Variants in SLC4A4 observed in about 807,000 individuals in gnomAD.
SLC4A4 encodes the protein solute carrier family 4 member 4.
Under a neutral mutation model 111.5 loss-of-function variants are expected in SLC4A4, and 27 were observed. That is an observed-to-expected ratio of 0.24 (90% confidence interval 0.18 to 0.33). The LOEUF (loss-of-function observed/expected upper bound fraction) is 0.33, where lower values mean the gene tolerates loss of function less well. SLC4A4 is among the 10% of genes least tolerant of loss of function. The probability of loss-of-function intolerance (pLI) is 1.00; values close to 1 mark genes in which losing one functional copy is unlikely to be tolerated. For synonymous variants in SLC4A4, 443 were observed against 463.4 expected (o/e 0.96, Z 0.57); for missense variants, 909 against 1,315.5 (o/e 0.69, Z 4.78).
At chr4:71,234,913 T>C (rs867576185) in intron 1 of SLC4A4, among the ~76,000 whole-genome samples, 2 of 152,024 alleles carry the variant, frequency 1.3e-5, no homozygotes, top group Non-Finnish European at 2.9e-5. Flanking sequence ...TGTCCAGAGG[T>C]AATGAGTTTC....
At chr4:71,365,129 A>G (rs1319984277) in intron 6 of SLC4A4, among the ~76,000 whole-genome samples, 1 of 152,216 alleles carries the variant, frequency 6.6e-6, no homozygotes, top group African/African-American at 2.4e-5. Flanking sequence ...ACATATTTTT[A>G]AATTTTACTA....
At chr4:71,100,459 G>A (rs1427648181) in intron 2 of SLC4A4, among the ~76,000 whole-genome samples, 1 of 151,874 alleles carries the variant, frequency 6.6e-6, no homozygotes, top group Non-Finnish European at 1.5e-5. Context: ...AAAATAATAA[G>A]AGCCATATAT....
At chr4:71,406,209 C>A (rs1289144933) in intron 7 of SLC4A4, among the ~76,000 whole-genome samples, 5 of 151,832 alleles carry the variant, frequency 3.3e-5, no homozygotes, top group Non-Finnish European at 7.4e-5. Flanking sequence ...TGCATATATG[C>A]CAGACTGTAA....
chr4:71,335,894 T>C (rs953109012), intron 3 of SLC4A4, among the ~76,000 whole-genome samples: 3 of 152,188 alleles, frequency 2.0e-5, no homozygotes, highest in Admixed American at 1.3e-4. Context: ...ATGTACTCAA[T>C]TACCTTATTT....
intron 8 of SLC4A4, among the ~76,000 whole-genome samples, chr4:71,443,653 AAAG>A (rs1382560131): frequency 6.6e-6 from 1 of 152,170 alleles, no homozygotes; most frequent in Non-Finnish European, 1.5e-5. Flanking sequence ...GTTCTCTTAT[AAAG>A]AAGAATAAAA....
At chr4:71,132,759 A>G (rs546448069) in intron 2 of SLC4A4, among the ~76,000 whole-genome samples, 1 of 152,340 alleles carries the variant, frequency 6.6e-6, no homozygotes, top group East Asian at 1.9e-4. Flanking sequence ...GAATTTTCTA[A>G]GTAATACTTC....
exon 1 of SLC4A4, among the ~76,000 whole-genome samples, chr4:71,062,783 T>G (rs1741422485): frequency 6.6e-6 from 1 of 152,310 alleles, no homozygotes; most frequent in Admixed American, 6.5e-5. Context: ...TTGAAGGACA[T>G]TGACTGTAAG....
At chr4:71,305,079 A>ATC (rs1725578201) in intron 3 of SLC4A4, among the ~76,000 whole-genome samples, 7 of 152,246 alleles carry the variant, frequency 4.6e-5, no homozygotes, top group African/African-American at 1.7e-4. Context: ...TACATTCATG[A>ATC]GCTTATTTAA....
At chr4:71,346,819 G>T (rs1560428867) in intron 4 of SLC4A4, among the ~76,000 whole-genome samples, 1 of 152,106 alleles carries the variant, frequency 6.6e-6, no homozygotes, top group East Asian at 1.9e-4. Context: ...AGTATAATCA[G>T]TTCCTTAAAC....
intron 3 of SLC4A4, among the ~76,000 whole-genome samples, chr4:71,322,942 C>G (rs1232593974): frequency 3.3e-5 from 5 of 151,888 alleles, no homozygotes; most frequent in Admixed American, 3.3e-4. Flanking sequence ...TCGTGGCTTC[C>G]CAGTTAAGTA....
chr4:71,318,169 G>A (rs1726838030), intron 3 of SLC4A4, among the ~76,000 whole-genome samples: 2 of 152,020 alleles, frequency 1.3e-5, no homozygotes, highest in East Asian at 1.9e-4. Context: ...GTGTAGCTCA[G>A]TTTGTACACA....
At chr4:71,374,173 A>C (rs1444831653) in intron 6 of SLC4A4, among the ~76,000 whole-genome samples, 2 of 152,174 alleles carry the variant, frequency 1.3e-5, no homozygotes, top group Non-Finnish European at 2.9e-5. Context: ...TTTATTGCCC[A>C]GTGAATTTTG....
At chr4:71,320,705 G>A (rs988988696) in intron 3 of SLC4A4, among the ~76,000 whole-genome samples, 7 of 152,004 alleles carry the variant, frequency 4.6e-5, no homozygotes, top group Admixed American at 4.6e-4. Flanking sequence ...ACTAGCTTAA[G>A]CTGGTACTTG....
At chr4:71,476,894 G>T (rs1728424727) in intron 14 of SLC4A4, among the ~76,000 whole-genome samples, 1 of 151,580 alleles carries the variant, frequency 6.6e-6, no homozygotes, top group Non-Finnish European at 1.5e-5. Flanking sequence ...CTTAGAAATG[G>T]GATAGCTATT....
At chr4:71,489,628 G>GAA (rs372840020) in intron 15 of SLC4A4, among the ~76,000 whole-genome samples, 3 of 151,882 alleles carry the variant, frequency 2.0e-5, no homozygotes, top group Middle Eastern at 6.8e-3. Context: ...AATGGAGAGA[G>GAA]GAAATTGGGA....
Position 71,339,437 on chromosome 4 carries a change from G to C in SLC4A4, c.321G>C (p.Gln107His). The C allele has an allele frequency of 6.2e-7, 1 of 1,614,134 alleles. No individual in the cohort carries two copies. Among genetic ancestry groups the C allele is most frequent in the South Asian group, 1.1e-5 (1 of 91,080 alleles). The change falls in exon 4 of 26, where the codon CAG becomes CAC. Residue 107 changes from glutamine (Q) to histidine (H), a missense_variant. This residue lies in a region of SLC4A4 where 117 missense variants were observed against 154.2 expected (regional missense o/e 0.76). Transcript: ENST00000264485. The stretch of plus-strand genomic sequence containing the variant: ...AGGATGACAGCCCAGCTCCCCCTCA[G>C]CTCTTCACGGAACTGGATGAGCTGC... Reference protein sequence around the residue: ...GEEDDSPAPPQLFTELDELLA... With the variant: ...GEEDDSPAPPHLFTELDELLA...
intron 1 of SLC4A4, among the ~76,000 whole-genome samples, chr4:71,086,326 G>A (rs1413069215): frequency 6.6e-6 from 1 of 151,730 alleles, no homozygotes; most frequent in Non-Finnish European, 1.5e-5. Flanking sequence ...GGGTTTTCTA[G>A]AAATACAATC....
intron 7 of SLC4A4, among the ~76,000 whole-genome samples, chr4:71,400,021 C>T (rs897828642): frequency 1.3e-5 from 2 of 152,138 alleles, no homozygotes; most frequent in Admixed American, 6.6e-5. Flanking sequence ...CACATTTTGT[C>T]TCCACTCATT....
intron 2 of SLC4A4, among the ~76,000 whole-genome samples, chr4:71,098,303 T>A (rs1742618877): frequency 6.6e-6 from 1 of 152,210 alleles, no homozygotes; most frequent in Non-Finnish European, 1.5e-5. Flanking sequence ...CGTTGCTTGC[T>A]TTTGTCAGAT....
Sources: allele counts gnomAD v4.1 joint callset (sites outside exome capture counted in the v4.1 genomes callset), GRCh38; gene constraint gnomAD v4.1.1; regional missense constraint gnomAD v4.1.1; transcripts MANE v1.5; gene names NCBI Gene and HGNC (gene_info 2026-07-23, HGNC 2026-07-21).